Variants in MAPK8IP2 observed in about 807,000 individuals in gnomAD.
The protein encoded by MAPK8IP2 is C-Jun-amino-terminal kinase-interacting protein 2.
MAPK8IP2 carries 15 observed loss-of-function variants against 75.6 expected under a neutral mutation model. The ratio of observed to expected loss-of-function variants is 0.20; its 90% CI spans 0.13 to 0.31. The LOEUF (loss-of-function observed/expected upper bound fraction) is 0.31. Ranked by LOEUF, MAPK8IP2 falls within the 10% of genes least tolerant of loss-of-function variation. MAPK8IP2 has a pLI of 1.00. For missense variants in MAPK8IP2, 1,089 were observed against 1,211.2 expected (o/e 0.90, Z 1.50); for synonymous variants, 632 against 554.5 (o/e 1.14, Z -1.96).
Position 50,600,827 on chromosome 22 carries a change from T to C in MAPK8IP2, c.9T>C (p.Asp3=). 7.7e-7 allele frequency: 1 copy of C among 1,293,860 alleles called. No homozygotes were observed. The highest frequency in any genetic ancestry group is 1.0e-6 in the Non-Finnish European group (1 of 994,754). 80.1% of individuals were successfully genotyped at this position (1,293,860 alleles called of 1,614,324 possible). Residue 3 remains aspartate, a synonymous_variant, in exon 1 of 12, where the codon GAT becomes GAC. Transcript: ENST00000329492. The stretch of plus-strand genomic sequence containing the variant: ...GGCCTCTCCCGGAGAAGATGGCGGA[T>C]CGCGCGGAGATGTTTTCTCTCTCCA... The part of the protein sequence containing the change: MA[D]RAEMFSLSTF...
chr22:50,605,766 A>G, intron 7 of MAPK8IP2, 32 bp downstream of exon 7: 3 of 1,600,336 alleles, frequency 1.9e-6, no homozygotes, highest in Non-Finnish European at 2.6e-6. Flanking sequence ...GAGGCTTTTC[A>G]CCCCAGATCC....
At chr22:50,603,551 T>C in intron 3 of MAPK8IP2, 53 bp downstream of exon 3, 1 of 1,578,314 alleles carries the variant, frequency 6.3e-7, no homozygotes, top group East Asian at 2.3e-5. Context: ...TCATAGCACC[T>C]GGGCTGCAGC....
rs1433483135 is a variant in MAPK8IP2, at chr22:50,606,754, G to A, written c.2221G>A (p.Gly741Arg). ...LRGVKLSLSG[G>R]GPEFQRCSHF... ...GGGGGTCAAGCTGAGTCTGAGCGGA[G>A]GAGGGCCCGAGGTGGGAGTGTGGGG... The change falls in exon 9 of 12, where the codon GGA (glycine) becomes AGA (arginine). Residue 741 changes from glycine (G) to arginine (R), a missense_variant. Gly to Arg is a moderately radical substitution (Grantham distance 125). Around this residue, in one of 2 missense-constraint regions of MAPK8IP2, gnomAD observed 129 missense variants for 201.7 expected, o/e 0.64. Coordinates refer to ENST00000329492, the MANE Select transcript of MAPK8IP2 (RefSeq NM_012324.6). 2.5e-6 allele frequency: 4 copies of A among 1,581,206 alleles called. No homozygotes were observed. In the African/African-American group the frequency reaches 5.4e-5, roughly 21 times the overall value.
At chr22:50,605,113 C>A in intron 5 of MAPK8IP2, 49 bp downstream of exon 5, 2 of 1,597,988 alleles carry the variant, frequency 1.3e-6, no homozygotes, top group Non-Finnish European at 1.7e-6. Context: ...AAGGTGCAGA[C>A]TCCCTGGCCC....
chr22:50,600,794 C>A lies in MAPK8IP2; in HGVS notation c.-25C>A. 3 of 1,208,698 alleles carry A rather than the reference C, an allele frequency of 2.5e-6. No homozygotes were observed. Among genetic ancestry groups the A allele is most frequent in the South Asian group, 1.6e-5 (1 of 62,614 alleles). 74.9% of individuals were successfully genotyped at this position (1,208,698 alleles called of 1,614,324 possible). ...GGCGAGGCTCCCGCACCCCCCGCCG[C>A]AGTCGCGGGCCTCTCCCGGAGAAGA... On this transcript the variant is annotated 5_prime_UTR_variant, in exon 1 of 12. Coordinates refer to ENST00000329492, the MANE Select transcript of MAPK8IP2 (RefSeq NM_012324.6).
intron 1 of MAPK8IP2, 90 bp downstream of exon 1, chr22:50,600,973 CCCCAGCCCCGCCGCCGGCGCGGA>C: frequency 2.7e-6 from 1 of 371,818 alleles, no homozygotes; most frequent in Non-Finnish European, 3.8e-6. Flanking sequence ...GTCCCCGCCG[CCCCAGCCCCGCCGCCGGCGCGGA>C]CCCGGCCCCG....
chr22:50,604,232 C>G lies in MAPK8IP2; in HGVS notation c.933C>G (p.Arg311=), dbSNP rs751538303. ...CCGCCTCGGAGCCGGAGCCCCCGCG[C>G]GAACCCCCGCGCCGCCCCGCCTTCC... is the stretch of plus-strand genomic sequence containing the variant. The part of the protein sequence containing the change: ...SSPASEPEPP[R]EPPRRPAFLP... Residue 311 remains arginine (R), a synonymous_variant, in exon 5 of 12, where the codon CGC becomes CGG. Transcript: ENST00000329492. 4 of 1,560,182 alleles carry G rather than the reference C, an allele frequency of 2.6e-6. No individual in the cohort carries two copies. Among genetic ancestry groups the G allele is most frequent in the Non-Finnish European group, 2.6e-6 (3 of 1,161,284 alleles).
intron 6 of MAPK8IP2, 39 bp from the exon 7 acceptor site, chr22:50,605,523 T>C (rs1186466444): frequency 2.7e-6 from 2 of 754,658 alleles, no homozygotes; most frequent in African/African-American, 3.7e-5. Flanking sequence ...CGACCGTCAA[T>C]CCCGCCCCCC....
intron 3 of MAPK8IP2, 48 bp from the exon 4 acceptor site, chr22:50,603,578 C>G (rs765109434): frequency 4.4e-6 from 7 of 1,581,476 alleles, no homozygotes; most frequent in Non-Finnish European, 5.2e-6. Context: ...TGCTCACCCC[C>G]TGGGAGCTGG....
At position 50,604,429 on chromosome 22, in the gene MAPK8IP2, C is replaced by T. The variant is rs2146683135; in HGVS notation, c.1130C>T (p.Pro377Leu). The change falls in exon 5 of 12, where the codon CCG (proline) becomes CTG (leucine). Residue 377 changes from proline (P) to leucine (L), a missense_variant. Pro to Leu is a moderately conservative substitution (Grantham distance 98). Coordinates refer to ENST00000329492, the MANE Select transcript of MAPK8IP2 (RefSeq NM_012324.6). ...CCCGGCCAGTGCCTGTCTCCTGCGC[C>T]GCGCCCGCCCGGGGAGCCCGTGTCG... is the stretch of plus-strand genomic sequence containing the variant. ...RCPGQCLSPA[P>L]RPPGEPVSPA... 1.4e-6 allele frequency: 2 copies of T among 1,446,306 alleles called. No individual in the cohort carries two copies. The highest frequency in any genetic ancestry group is 2.4e-4 in the Middle Eastern group (1 of 4,160). The allele number at this position is 1,446,306 out of a possible 1,614,324, so 89.6% of individuals were successfully genotyped here.
Position 50,605,868 on chromosome 22 carries a change from G to T in MAPK8IP2, c.2058G>T (p.Gln686His). Residue 686 changes from glutamine (Q) to histidine (H), a missense_variant, in exon 8 of 12, where the codon CAG (glutamine) becomes CAT (histidine). By Grantham distance (24) the Gln-to-His change is conservative (BLOSUM62 0). Transcript: ENST00000329492. ...GCTGGGTGGAGCGCTTTGACGTGCA[G>T]TTCCTGGGCTCCGTGGAGGTGCCCT... is the stretch of plus-strand genomic sequence containing the variant. ...SPCWVERFDV[Q>H]FLGSVEVPCH... The T allele has an allele frequency of 6.3e-7, 1 of 1,587,838 alleles. No individual in the cohort carries two copies.
rs5770941 is a variant in MAPK8IP2 at position 50,610,353 on chromosome 22, T to G, written c.2402+43T>G. On this transcript the variant is annotated intron_variant, in intron 11 of 11. Coordinates refer to ENST00000329492, the MANE Select transcript of MAPK8IP2 (RefSeq NM_012324.6). The surrounding 1 kb of genome is among the most constrained non-coding windows in gnomAD (Gnocchi z 4.3). ...GTGTGGGTGCAGAATGGGTGCAGGG[T>G]TACGGAGGTGGGGAGCGGAGGTGAG... 1,112,886 of 1,512,722 alleles carry G rather than the reference T, an allele frequency of 0.74. 411,379 individuals are homozygous for G. Among genetic ancestry groups the G allele is most frequent in the East Asian group, 0.97 (40,763 of 41,874 alleles). 93.7% of individuals were successfully genotyped at this position (1,512,722 alleles called of 1,614,324 possible).
Position 50,603,409 on chromosome 22 carries a change from GC to G in MAPK8IP2, c.363del (p.Ile125SerfsTer19). On this transcript the variant is annotated frameshift_variant, in exon 3 of 12. Coordinates refer to ENST00000329492, the MANE Select transcript of MAPK8IP2 (RefSeq NM_012324.6). LOFTEE classifies it high-confidence loss of function. ...EGGDPGSEAP[A>X]PGPLIPSPSV... ...AGGAGACCCTGGCTCAGAGGCACCT[GC>G]CCCCGGGCCCCTTATCCCCTCCCCT... 1.9e-6 allele frequency: 3 copies of G among 1,558,742 alleles called. No homozygotes were observed. The highest frequency in any genetic ancestry group is 2.6e-6 in the Non-Finnish European group (3 of 1,151,698).
At position 50,605,532 on chromosome 22, in the gene MAPK8IP2, C is replaced by T. The variant is rs369369313; in HGVS notation, c.1842-30C>T. Reference sequence around the variant, plus strand: ...TGGACACGACCGTCAATCCCGCCCCCCTCCCCAGTGACCTCTCCCCCAACG... The same window carrying T: ...TGGACACGACCGTCAATCCCGCCCCTCTCCCCAGTGACCTCTCCCCCAACG... On this transcript the variant is annotated intron_variant, in intron 6 of 11. Coordinates refer to ENST00000329492, the MANE Select transcript of MAPK8IP2 (RefSeq NM_012324.6). The T allele has an allele frequency of 2.1e-4, 226 of 1,065,904 alleles. 2 individuals carry two copies. In the South Asian group the frequency reaches 2.8e-3, roughly 13 times the overall value. 66.0% of individuals were successfully genotyped at this position (1,065,904 alleles called of 1,614,324 possible).
chr22:50,605,178 A>C, intron 5 of MAPK8IP2, 114 bp downstream of exon 5: 1 of 1,330,952 alleles, frequency 7.5e-7, no homozygotes, highest in Non-Finnish European at 1.0e-6. Flanking sequence ...GGCTGTGGTC[A>C]GGGCTGGGTG....
Position 50,604,195 on chromosome 22 carries a change from A to T in MAPK8IP2, c.896A>T (p.Glu299Val). 6.5e-7 allele frequency: 1 copy of T among 1,545,106 alleles called. No individual in the cohort carries two copies. The highest frequency in any genetic ancestry group is 8.7e-7 in the Non-Finnish European group (1 of 1,153,140). Residue 299 changes from glutamate to valine, a missense_variant, in exon 5 of 12, where the codon GAG (glutamate) becomes GTG (valine). Physicochemically the swap from Glu to Val is moderately radical, Grantham distance 121 (BLOSUM62 -2). Around this residue, in one of 2 missense-constraint regions of MAPK8IP2, gnomAD observed 960 missense variants for 1,009.6 expected, o/e 0.95. Transcript: ENST00000329492. Reference sequence around the variant, plus strand: ...TCGCACCTCACCAACTCCATCGAGGAGGCCTCGTCGCCCGCCTCGGAGCCG... The same window carrying T: ...TCGCACCTCACCAACTCCATCGAGGTGGCCTCGTCGCCCGCCTCGGAGCCG... Reference protein sequence around the residue: ...RSSHLTNSIEEASSPASEPEP... With the variant: ...RSSHLTNSIEVASSPASEPEP...
intron 10 of MAPK8IP2, among the ~76,000 whole-genome samples, chr22:50,608,372 A>G (rs112161666): frequency 0.12 from 9,802 of 83,186 alleles, 192 homozygotes; most frequent in Middle Eastern, 0.17. Context: ...CTGGGGTGGA[A>G]AGGTGGGACA....
chr22:50,604,076 G>C lies in MAPK8IP2; in HGVS notation c.777G>C (p.Ala259=), dbSNP rs773648153. ...CGCCCGGCTCCGACTCGGAGGACGCGGGCGGCGCGCGCCTGGGGCGCATGA... is the reference window on the plus strand; with the variant it reads ...CGCCCGGCTCCGACTCGGAGGACGCCGGCGGCGCGCGCCTGGGGCGCATGA... ...LSSPGSDSED[A]GGARLGRMIS... is the part of the protein sequence containing the mutation. Residue 259 remains alanine (A), a synonymous_variant, in exon 5 of 12, where the codon GCG becomes GCC. Coordinates refer to ENST00000329492, the MANE Select transcript of MAPK8IP2 (RefSeq NM_012324.6). 2.0e-5 allele frequency: 31 copies of C among 1,543,996 alleles called. No individual in the cohort carries two copies. Among genetic ancestry groups the C allele is most frequent in the Non-Finnish European group, 2.6e-5 (30 of 1,153,440 alleles).
In MAPK8IP2 at chr22:50,605,905, A is replaced by G. The variant is rs761423842; in HGVS notation, c.2095A>G (p.Asn699Asp). The G allele has an allele frequency of 6.3e-7, 1 of 1,583,670 alleles. No homozygotes were observed. Among genetic ancestry groups the G allele is most frequent in the East Asian group, 2.3e-5 (1 of 43,156 alleles). ...GSVEVPCHQG[N>D]GILCAAMQKI... ...CGTGGAGGTGCCCTGCCACCAGGGC[A>G]ACGGCATCCTGTGTGCAGCCATGCA... Residue 699 changes from asparagine (N) to aspartate (D), a missense_variant, in exon 8 of 12, where the codon AAC (asparagine) becomes GAC (aspartate). Physicochemically the swap from Asn to Asp is conservative, Grantham distance 23. This residue lies in a region of MAPK8IP2 where 129 missense variants were observed against 201.7 expected (regional missense o/e 0.64). Transcript: ENST00000329492.
Sources: gnomAD v4.1 joint callset for allele counts (sites outside exome capture counted in the v4.1 genomes callset) on GRCh38, gnomAD v4.1.1 for gene constraint, gnomAD v4.1.1 regional missense constraint, Gnocchi (gnomAD v3.1) non-coding constraint, MANE v1.5 for transcripts, NCBI Gene and HGNC (gene_info 2026-07-23, HGNC 2026-07-21) for gene names.